RABGAP1L: variants seen among roughly 807,000 people sequenced by gnomAD.
RABGAP1L encodes rab GTPase-activating protein 1-like.
Under a neutral mutation model 137.7 loss-of-function variants are expected in RABGAP1L, and 63 were observed. That is an observed-to-expected ratio of 0.46 (90% confidence interval 0.37 to 0.56). RABGAP1L has a LOEUF of 0.56. RABGAP1L is among the 20% of genes least tolerant of loss of function. The pLI is 0.00. For missense variants in RABGAP1L, 1,095 were observed against 1,244.0 expected (o/e 0.88, Z 1.80); for synonymous variants, 431 against 433.7 (o/e 0.99, Z 0.08).
chr1:174,498,373 C>A (rs182966831), intron 13 of RABGAP1L, among the ~76,000 whole-genome samples: 4 of 152,076 alleles, frequency 2.6e-5, no homozygotes, highest in Admixed American at 2.6e-4. Flanking sequence ...ATTGGTTTTA[C>A]AAGCTTCATT....
At chr1:174,836,142 A>G (rs1345311720) in intron 19 of RABGAP1L, among the ~76,000 whole-genome samples, 11 of 152,246 alleles carry the variant, frequency 7.2e-5, no homozygotes, top group Non-Finnish European at 1.5e-4. Context: ...GGTGGTATCA[A>G]GAACATAATT....
intron 12 of RABGAP1L, among the ~76,000 whole-genome samples, chr1:174,386,681 G>T (rs1436890141): frequency 6.6e-6 from 1 of 151,890 alleles, no homozygotes; most frequent in Non-Finnish European, 1.5e-5. Flanking sequence ...CTAATTTTTT[G>T]TATCTTTAGT....
chr1:174,922,786 A>G (rs941549351), intron 19 of RABGAP1L, among the ~76,000 whole-genome samples: 3 of 152,228 alleles, frequency 2.0e-5, no homozygotes, highest in Non-Finnish European at 4.4e-5. Flanking sequence ...TCTTAGTTCA[A>G]ATCCCTTCTG....
chr1:174,596,672 T>A (rs1669953521), intron 13 of RABGAP1L, among the ~76,000 whole-genome samples: 1 of 152,218 alleles, frequency 6.6e-6, no homozygotes, highest in Non-Finnish European at 1.5e-5. Flanking sequence ...GAAGGATAAT[T>A]TGACTTCTTC....
chr1:174,904,922 G>A (rs1297710736), intron 19 of RABGAP1L, among the ~76,000 whole-genome samples: 1 of 152,182 alleles, frequency 6.6e-6, no homozygotes, highest in Non-Finnish European at 1.5e-5. Flanking sequence ...AACTTGCTGG[G>A]ATGACAGGCA....
chr1:174,720,092 G>A (rs982496364), intron 17 of RABGAP1L, among the ~76,000 whole-genome samples: 3 of 152,094 alleles, frequency 2.0e-5, no homozygotes, highest in African/African-American at 4.8e-5. Flanking sequence ...CATGGTAATG[G>A]CATAGGTGTA....
chr1:174,307,521 A>G (rs1293743912), intron 11 of RABGAP1L, among the ~76,000 whole-genome samples: 1 of 151,952 alleles, frequency 6.6e-6, no homozygotes, highest in Non-Finnish European at 1.5e-5. Flanking sequence ...GGCTTTACCT[A>G]TTTTGCATAA....
intron 3 of RABGAP1L, among the ~76,000 whole-genome samples, chr1:174,223,442 CAA>C (rs370743713): frequency 1.7e-4 from 9 of 53,350 alleles, no homozygotes; most frequent in Admixed American, 4.3e-4. Flanking sequence ...GACTCCATCT[CAA>C]AAAAAAAAAA....
intron 19 of RABGAP1L, among the ~76,000 whole-genome samples, chr1:174,875,927 TG>T (rs1416115716): frequency 6.6e-6 from 1 of 152,222 alleles, no homozygotes; most frequent in African/African-American, 2.4e-5. Context: ...TTTAATCTTG[TG>T]GATTTATTTA....
At chr1:174,498,213 G>A (rs956960741) in intron 13 of RABGAP1L, among the ~76,000 whole-genome samples, 1 of 151,972 alleles carries the variant, frequency 6.6e-6, no homozygotes, top group Non-Finnish European at 1.5e-5. Flanking sequence ...GAAGAGTGAA[G>A]TAATATATGA....
intron 13 of RABGAP1L, among the ~76,000 whole-genome samples, chr1:174,496,681 G>A (rs1206812687): frequency 6.6e-6 from 1 of 152,134 alleles, no homozygotes; most frequent in Non-Finnish European, 1.5e-5. Context: ...TACAGCAAGT[G>A]AACTAGCACG....
At chr1:174,386,168 G>C (rs1686756721) in intron 12 of RABGAP1L, among the ~76,000 whole-genome samples, 3 of 152,174 alleles carry the variant, frequency 2.0e-5, no homozygotes, top group African/African-American at 7.2e-5. Context: ...GGCTACAGAG[G>C]TAATAACTGA....
chr1:174,272,667 A>G (rs1489114439), intron 8 of RABGAP1L, among the ~76,000 whole-genome samples, 187 bp downstream of exon 8: 2 of 152,048 alleles, frequency 1.3e-5, no homozygotes, highest in Non-Finnish European at 2.9e-5. Context: ...GACAATTTCC[A>G]CCAAAACAGT....
intron 11 of RABGAP1L, among the ~76,000 whole-genome samples, chr1:174,356,203 A>G (rs936679045): frequency 1.3e-5 from 2 of 152,130 alleles, no homozygotes; most frequent in Non-Finnish European, 1.5e-5. Context: ...TGCATGATTA[A>G]TAAGGTTTTG....
chr1:174,850,171 C>T (rs940215080), intron 19 of RABGAP1L: 1 of 422,908 alleles, frequency 2.4e-6, no homozygotes. Context: ...GCCCCCATCT[C>T]CTCATAACAT....
chr1:174,724,919 G>A (rs1030659255), intron 17 of RABGAP1L, among the ~76,000 whole-genome samples: 1 of 152,190 alleles, frequency 6.6e-6, no homozygotes, highest in African/African-American at 2.4e-5. Flanking sequence ...ATGAGTAGGG[G>A]AAGTGCATGC....
At chr1:174,864,530 C>T (rs1018733217) in intron 19 of RABGAP1L, among the ~76,000 whole-genome samples, 2 of 152,100 alleles carry the variant, frequency 1.3e-5, no homozygotes, top group African/African-American at 2.4e-5. Flanking sequence ...GAGAAGAATG[C>T]GAGCAAAATG....
intron 14 of RABGAP1L, among the ~76,000 whole-genome samples, chr1:174,640,001 G>A (rs1674398819): frequency 6.6e-6 from 1 of 152,120 alleles, no homozygotes. Flanking sequence ...TTATCGAAAA[G>A]TAGCTTAAAT....
intron 13 of RABGAP1L, among the ~76,000 whole-genome samples, chr1:174,635,573 A>C (rs916127323): frequency 2.6e-5 from 4 of 152,124 alleles, no homozygotes; most frequent in Non-Finnish European, 5.9e-5. Flanking sequence ...ATCATTAGAA[A>C]CTACATTTAC....
Sources: allele counts gnomAD v4.1 joint callset (sites outside exome capture counted in the v4.1 genomes callset), GRCh38; gene constraint gnomAD v4.1.1; transcripts MANE v1.5; gene names NCBI Gene and HGNC (gene_info 2026-07-23, HGNC 2026-07-21).